The following SUV39H2 variants were observed in gnomAD, a reference collection of about 807,000 sequenced individuals.
SUV39H2 encodes the protein histone-lysine N-methyltransferase SUV39H2.
SUV39H2 carries 10 observed loss-of-function variants against 47.5 expected under a neutral mutation model. The observed-to-expected ratio is 0.21, with a 90% CI of 0.13 to 0.36. SUV39H2 has a LOEUF of 0.36. Ranked by LOEUF, SUV39H2 falls within the 10% of genes least tolerant of loss-of-function variation. The probability of loss-of-function intolerance (pLI) is 1.00; values close to 1 mark genes in which losing one functional copy is unlikely to be tolerated. For synonymous variants in SUV39H2, 159 were observed against 166.8 expected (o/e 0.95, Z 0.36); for missense variants, 266 against 487.4 (o/e 0.55, Z 4.28).
chr10:14,904,315 ATTTTTTTTTTTTTTTTT>A (rs35999949), downstream of SUV39H2: 2 of 77,762 alleles, frequency 2.6e-5, no homozygotes, highest in Admixed American at 3.5e-4. Context: ...AAAAAAAAAA[ATTTTTTTTTTTTTTTTT>A]TTTTTTTTTT....
intron 1 of SUV39H2, among the ~76,000 whole-genome samples, chr10:14,880,236 A>C (rs1449884371): frequency 6.6e-6 from 1 of 152,124 alleles, no homozygotes; most frequent in African/African-American, 2.4e-5. Flanking sequence ...TTAGGATGGA[A>C]TCGTTTGCAG....
chr10:14,885,230 C>A (rs148794896), intron 2 of SUV39H2, among the ~76,000 whole-genome samples: 1 of 152,122 alleles, frequency 6.6e-6, no homozygotes, highest in Non-Finnish European at 1.5e-5. Flanking sequence ...ACTGGATACC[C>A]TACAGGTATC....
intron 2 of SUV39H2, among the ~76,000 whole-genome samples, chr10:14,889,542 C>T (rs1833321178): frequency 6.6e-6 from 1 of 152,214 alleles, no homozygotes; most frequent in South Asian, 2.1e-4. Flanking sequence ...AAGTGCGTCT[C>T]TCTTTTCATG....
At chr10:14,892,781 CTT>C (rs995080435) in intron 2 of SUV39H2, among the ~76,000 whole-genome samples, 2 of 151,402 alleles carry the variant, frequency 1.3e-5, no homozygotes, top group East Asian at 3.9e-4. Context: ...ATTTGAATGA[CTT>C]TAACTGACAC....
chr10:14,886,821 T>C (rs1833225067), intron 2 of SUV39H2, among the ~76,000 whole-genome samples: 1 of 152,102 alleles, frequency 6.6e-6, no homozygotes, highest in Non-Finnish European at 1.5e-5. Flanking sequence ...TAAAAAGTGC[T>C]GTGGCAAACA....
intron 1 of SUV39H2, 112 bp downstream of exon 1, chr10:14,879,031 C>T: frequency 7.6e-7 from 1 of 1,318,852 alleles, no homozygotes; most frequent in East Asian, 3.2e-5. Flanking sequence ...CGGTTCCCCG[C>T]CCGCCGCGAC....
intron 2 of SUV39H2, among the ~76,000 whole-genome samples, chr10:14,890,872 A>G (rs781241081): frequency 1.3e-5 from 2 of 152,222 alleles, no homozygotes; most frequent in Non-Finnish European, 2.9e-5. Flanking sequence ...CAAGTTTATC[A>G]GCTTGTATTT....
chr10:14,892,436 G>A (rs550100715), intron 2 of SUV39H2, among the ~76,000 whole-genome samples: 2 of 152,270 alleles, frequency 1.3e-5, no homozygotes, highest in East Asian at 3.9e-4. Context: ...GAACCTTAAA[G>A]CTAGACAGAT....
intron 2 of SUV39H2, among the ~76,000 whole-genome samples, chr10:14,888,742 CTG>C (rs1388222758): frequency 1.3e-5 from 2 of 152,196 alleles, no homozygotes; most frequent in African/African-American, 4.8e-5. Flanking sequence ...AAAGAATCCA[CTG>C]TATTTAGTAA....
Position 14,894,614 on chromosome 10 carries a change from G to A in SUV39H2, c.178-2232G>A, listed in dbSNP as rs1238657172. ...GATCTCCTGACCTCGTGATCCGCCC[G>A]CCTCGGCCTCCCAAAGTGCTGGGAT... On this transcript the variant is annotated intron_variant, in intron 2 of 5. Coordinates refer to ENST00000354919, the MANE Select transcript of SUV39H2 (RefSeq NM_001193424.2). Among the ~76,000 whole-genome samples, 4 of 57,540 alleles carry A rather than the reference G, an allele frequency of 7.0e-5. 2 individuals carry two copies. Among genetic ancestry groups the A allele is most frequent in the Non-Finnish European group, 1.2e-4 (4 of 34,776 alleles). The allele number at this position is 57,540 out of a possible 152,430, so 37.7% of individuals were successfully genotyped here.
At chr10:14,885,156 C>T (rs1016324619) in intron 2 of SUV39H2, among the ~76,000 whole-genome samples, 3 of 152,110 alleles carry the variant, frequency 2.0e-5, no homozygotes, top group African/African-American at 7.2e-5. Context: ...GTGGTTTCTA[C>T]TTGTATGTGT....
rs888603812 is a variant in SUV39H2 at position 14,902,707 on chromosome 10, G to A, written c.*195G>A. The A allele has an allele frequency of 2.3e-6, 1 of 427,542 alleles. No individual in the cohort carries two copies. The highest frequency in any genetic ancestry group is 4.2e-6 in the Non-Finnish European group (1 of 235,432). The allele number at this position is 427,542 out of a possible 1,614,324, so 26.5% of individuals were successfully genotyped here. On this transcript the variant is annotated 3_prime_UTR_variant, in exon 6 of 6. Coordinates refer to ENST00000354919, the MANE Select transcript of SUV39H2 (RefSeq NM_001193424.2). ...ACTGGGTCTCATAGACTGATATGAA[G>A]TCGACATATTTATAGTGCTTAGAGA... is the stretch of plus-strand genomic sequence containing the variant.
At chr10:14,884,418 A>G (rs183125160) in intron 2 of SUV39H2, among the ~76,000 whole-genome samples, 148 of 152,322 alleles carry the variant, frequency 9.7e-4, no homozygotes, top group African/African-American at 3.3e-3. Flanking sequence ...TTTTCTGACT[A>G]ATGATACTGA....
At chr10:14,886,544 T>C (rs574839418) in intron 2 of SUV39H2, among the ~76,000 whole-genome samples, 2 of 152,344 alleles carry the variant, frequency 1.3e-5, no homozygotes, top group Admixed American at 6.5e-5. Flanking sequence ...TGTCTTTTGC[T>C]TCGGTCATGT....
intron 2 of SUV39H2, among the ~76,000 whole-genome samples, chr10:14,892,837 C>T (rs539698103): frequency 1.4e-3 from 205 of 146,176 alleles, no homozygotes; most frequent in Non-Finnish European, 2.1e-3. Flanking sequence ...TTTTTGGAGA[C>T]GGGGTCTCGC....
intron 4 of SUV39H2, among the ~76,000 whole-genome samples, chr10:14,899,922 T>G (rs1833879332): frequency 6.6e-6 from 1 of 152,210 alleles, no homozygotes; most frequent in Non-Finnish European, 1.5e-5. Flanking sequence ...TTTACATATG[T>G]TACTTCATTT....
chr10:14,899,788 A>G (rs1833867285), intron 4 of SUV39H2, 103 bp downstream of exon 4: 2 of 1,328,504 alleles, frequency 1.5e-6, no homozygotes, highest in Non-Finnish European at 2.0e-6. Flanking sequence ...TCCTTTTAAC[A>G]TTTCCAAAAT....
intron 2 of SUV39H2, among the ~76,000 whole-genome samples, chr10:14,885,327 A>G (rs966136189): frequency 6.6e-6 from 1 of 152,208 alleles, no homozygotes; most frequent in African/African-American, 2.4e-5. Flanking sequence ...ACAGAAACAT[A>G]ATTCTCCCAC....
rs571167512 is a variant in SUV39H2 at position 14,883,751 on chromosome 10, A to G, written c.177+2106A>G. On this transcript the variant is annotated intron_variant, in intron 2 of 5. Coordinates refer to ENST00000354919, the MANE Select transcript of SUV39H2 (RefSeq NM_001193424.2). Reference sequence around the variant, plus strand: ...AAAAAAATCCCACAGATTTTCTAGTATACTTTAGGAGTCAGTTTTAGAACA... The same window carrying G: ...AAAAAAATCCCACAGATTTTCTAGTGTACTTTAGGAGTCAGTTTTAGAACA... 3.3e-5 allele frequency among the ~76,000 whole-genome samples: 5 copies of G among 149,864 alleles called. No individual in the cohort carries two copies. The South Asian group carries it at 1.1e-3, about 32-fold the overall frequency.
Sources: gnomAD v4.1 joint callset for allele counts (sites outside exome capture counted in the v4.1 genomes callset) on GRCh38, gnomAD v4.1.1 for gene constraint, MANE v1.5 for transcripts, NCBI Gene and HGNC (gene_info 2026-07-23, HGNC 2026-07-21) for gene names.